Variants in PPFIBP1 observed in about 807,000 individuals in gnomAD.
PPFIBP1 encodes the protein liprin-beta-1.
In PPFIBP1, 112 loss-of-function variants were observed where a neutral mutation model predicts 137.8. The ratio of observed to expected loss-of-function variants is 0.81; its 90% CI spans 0.70 to 0.95. The LOEUF (loss-of-function observed/expected upper bound fraction) is 0.95. Ranked by LOEUF, PPFIBP1 falls within the 40% of genes least tolerant of loss-of-function variation. The pLI, the probability that PPFIBP1 is intolerant of heterozygous loss-of-function variation, is 0.00. For missense variants in PPFIBP1, 1,083 were observed against 1,196.6 expected (o/e 0.91, Z 1.40); for synonymous variants, 378 against 417.3 (o/e 0.91, Z 1.15).
At chr12:27,550,612 C>A (rs1946668252) in intron 1 of PPFIBP1, among the ~76,000 whole-genome samples, 2 of 151,956 alleles carry the variant, frequency 1.3e-5, no homozygotes, top group Admixed American at 1.3e-4. Flanking sequence ...AATAACTTGC[C>A]CGAGATCAAA....
At chr12:27,592,972 T>A (rs1489109538) in intron 2 of PPFIBP1, among the ~76,000 whole-genome samples, 2 of 151,798 alleles carry the variant, frequency 1.3e-5, no homozygotes, top group African/African-American at 4.8e-5. Context: ...AAACACTGTC[T>A]CTACTAAAAA....
chr12:27,574,776 A>G (rs2050424352), intron 1 of PPFIBP1, among the ~76,000 whole-genome samples: 2 of 152,150 alleles, frequency 1.3e-5, no homozygotes, highest in East Asian at 1.9e-4. Flanking sequence ...TTTCTCCACT[A>G]CTTAACCTTG....
intron 1 of PPFIBP1, among the ~76,000 whole-genome samples, chr12:27,556,272 T>C (rs1466238062): frequency 1.3e-5 from 2 of 152,238 alleles, no homozygotes; most frequent in Admixed American, 1.3e-4. Context: ...TAACATTCAT[T>C]ACTGCATGTT....
chr12:27,589,022 C>T (rs1306255831), intron 2 of PPFIBP1, among the ~76,000 whole-genome samples: 5 of 152,182 alleles, frequency 3.3e-5, no homozygotes, highest in South Asian at 2.1e-4. Flanking sequence ...GAAAGCACAG[C>T]GTTGTTCTAT....
At position 27,687,489 on chromosome 12, in the gene PPFIBP1, G is replaced by A; in HGVS notation, c.2352G>A (p.Arg784=). The change falls in exon 25 of 30, where the codon CGG becomes CGA. Residue 784 remains arginine, a synonymous_variant. Transcript: ENST00000228425. ...RINNFEPNCL[R]RRPSDENTIA... ...ATAACTTTGAACCAAACTGTCTACG[G>A]AGGCGGCCATCTGATGAGGTAGTGT... is the stretch of plus-strand genomic sequence containing the variant. 1 of 1,613,800 alleles carries A rather than the reference G, an allele frequency of 6.2e-7. No homozygotes were observed. Among genetic ancestry groups the A allele is most frequent in the Non-Finnish European group, 8.5e-7 (1 of 1,179,820 alleles).
At chr12:27,600,851 A>G (rs537744066) in intron 2 of PPFIBP1, among the ~76,000 whole-genome samples, 18 of 152,310 alleles carry the variant, frequency 1.2e-4, no homozygotes, top group African/African-American at 4.1e-4. Context: ...GTTATTTTTA[A>G]TTGACATGTT....
rs1303344291 is a variant in PPFIBP1, at chr12:27,650,077, A to G, written c.539A>G (p.Lys180Arg). The G allele has an allele frequency of 6.2e-7, 1 of 1,607,338 alleles. No individual in the cohort carries two copies. The highest frequency in any genetic ancestry group is 1.7e-5 in the Admixed American group (1 of 60,004). ...LDLMAEISNL[K>R]LKLTAVEKDR... is the part of the protein sequence containing the mutation. ...CTGATGGCTGAAATATCTAACTTGA[A>G]GTTGAAACTGACAGCTGTAGAGAAG... The change falls in exon 7 of 30, where the codon AAG becomes AGG. Residue 180 changes from lysine (K) to arginine (R), a missense_variant. Coordinates refer to ENST00000228425, the MANE Select transcript of PPFIBP1 (RefSeq NM_003622.4).
At chr12:27,687,304 T>G in intron 24 of PPFIBP1, 81 bp from the exon 25 acceptor site, 1 of 1,510,264 alleles carries the variant, frequency 6.6e-7, no homozygotes, top group Non-Finnish European at 8.9e-7. Context: ...CTCCTTTTAC[T>G]CCAGTTTTCT....
chr12:27,619,946 CACAT>C, intron 2 of PPFIBP1, among the ~76,000 whole-genome samples: 1 of 151,668 alleles, frequency 6.6e-6, no homozygotes, highest in African/African-American at 2.4e-5. Flanking sequence ...TGTGTATTCA[CACAT>C]ACATACATTT....
chr12:27,563,837 C>G (rs2049391494), intron 1 of PPFIBP1, among the ~76,000 whole-genome samples: 1 of 150,512 alleles, frequency 6.6e-6, no homozygotes, highest in Non-Finnish European at 1.5e-5. Context: ...CCCAAAGACT[C>G]AGCACTGGGC....
rs765247490 is a variant in PPFIBP1, at chr12:27,650,038, C to T, written c.500C>T (p.Thr167Ile). 18 of 1,603,274 alleles carry T rather than the reference C, an allele frequency of 1.1e-5. No individual in the cohort carries two copies. Among genetic ancestry groups the T allele is most frequent in the Non-Finnish European group, 1.5e-5 (18 of 1,170,598 alleles). The stretch of plus-strand genomic sequence containing the variant: ...CTTCTAAGTAGGACATCCTTAGAAA[C>T]TCAGAAGTTGGATCTGATGGCTGAA... ...QELLSRTSLETQKLDLMAEIS... is the reference protein window; with the variant it reads ...QELLSRTSLEIQKLDLMAEIS... The change falls in exon 7 of 30, where the codon ACT becomes ATT. Residue 167 changes from threonine to isoleucine, a missense_variant. Transcript: ENST00000228425.
At chr12:27,646,950 C>A (rs1229895649) in intron 5 of PPFIBP1, among the ~76,000 whole-genome samples, 1 of 152,198 alleles carries the variant, frequency 6.6e-6, no homozygotes, top group Non-Finnish European at 1.5e-5. Context: ...TTGAACACAT[C>A]TATGATCTGT....
rs2058460157 is a variant in PPFIBP1 at position 27,646,062 on chromosome 12, A to G, written c.271A>G (p.Thr91Ala). 1.3e-6 allele frequency: 2 copies of G among 1,599,974 alleles called. No homozygotes were observed. Among genetic ancestry groups the G allele is most frequent in the Admixed American group, 1.7e-5 (1 of 59,948 alleles). ...TTACCCATATTACTTCCTTTTTCAG[A>G]CAAATGGACACCTACCAGGGAACGG... ...TLVEWLQSQM[T>A]NGHLPGNGDV... is the part of the protein sequence containing the mutation. Residue 91 changes from threonine to alanine, a missense_variant and splice_region_variant, in exon 5 of 30, where the codon ACA becomes GCA. Transcript: ENST00000228425.
intron 2 of PPFIBP1, among the ~76,000 whole-genome samples, chr12:27,631,977 G>C (rs1379910190): frequency 3.3e-5 from 5 of 151,622 alleles, no homozygotes; most frequent in African/African-American, 1.2e-4. Context: ...CTGAGTGTGT[G>C]AATAAATTTT....
chr12:27,598,832 AG>A (rs757284728), intron 2 of PPFIBP1, among the ~76,000 whole-genome samples: 2 of 152,188 alleles, frequency 1.3e-5, no homozygotes, highest in Admixed American at 6.5e-5. Context: ...TTTTTTTCTT[AG>A]GGCCTTAATT....
intron 2 of PPFIBP1, among the ~76,000 whole-genome samples, chr12:27,583,391 A>G (rs929893739): frequency 2.0e-5 from 3 of 152,230 alleles, no homozygotes; most frequent in African/African-American, 7.2e-5. Flanking sequence ...TCACATTTCT[A>G]CCAAGAGAAA....
chr12:27,652,722 T>A (rs2139677105), intron 7 of PPFIBP1, among the ~76,000 whole-genome samples: 1 of 152,312 alleles, frequency 6.6e-6, no homozygotes, highest in South Asian at 2.1e-4. Context: ...GAAAGGAAGC[T>A]GTAAAATACA....
Position 27,650,137 on chromosome 12 carries a change from C to T in PPFIBP1, c.599C>T (p.Thr200Ile), listed in dbSNP as rs765042927. 4 of 1,601,984 alleles carry T rather than the reference C, an allele frequency of 2.5e-6. No homozygotes were observed. Among genetic ancestry groups the T allele is most frequent in the East Asian group, 2.2e-5 (1 of 44,672 alleles). Residue 200 changes from threonine (T) to isoleucine (I), a missense_variant, in exon 7 of 30, where the codon ACA becomes ATA. Transcript: ENST00000228425. ...RLDYEDKFRD[T>I]EGLIQEINDL... Reference sequence around the variant, plus strand: ...GATTATGAAGATAAGTTCAGAGACACAGAGGTGAGTGATACAGTCTCTCCT... The same window carrying T: ...GATTATGAAGATAAGTTCAGAGACATAGAGGTGAGTGATACAGTCTCTCCT...
chr12:27,593,758 C>A, intron 2 of PPFIBP1: 1 of 721,622 alleles, frequency 1.4e-6, no homozygotes, highest in Non-Finnish European at 2.3e-6. Context: ...GAGCCAACGT[C>A]CATGTCCCAG....
Sources: gnomAD v4.1 joint callset for allele counts (sites outside exome capture counted in the v4.1 genomes callset) on GRCh38, gnomAD v4.1.1 for gene constraint, MANE v1.5 for transcripts, NCBI Gene and HGNC (gene_info 2026-07-23, HGNC 2026-07-21) for gene names.